The following FHIT variants were observed in gnomAD, a reference collection of about 807,000 sequenced individuals.
FHIT encodes fragile histidine triad diadenosine triphosphatase, also known as bis(5'-adenosyl)-triphosphatase.
FHIT carries 19 observed loss-of-function variants against 17.9 expected under a neutral mutation model. The ratio of observed to expected loss-of-function variants is 1.06; its 90% CI spans 0.74 to 1.56. The LOEUF is 1.56. FHIT is among the 40% of genes most tolerant of loss of function. The pLI is 0.00. For missense variants in FHIT, 248 were observed against 189.2 expected, an observed-to-expected ratio of 1.31 and a Z score of -1.82; for synonymous variants, 81 against 69.7, an observed-to-expected ratio of 1.16 and a Z score of -0.81.
At position 60,536,900 on chromosome 3, in the gene FHIT, C is replaced by A; in HGVS notation, c.63G>T (p.Leu21=). ...KPSVVFLKTE[L]SFALVNRKPV... ...GTTTCCTATTCACAAGAGCGAAGGA[C>A]AGTTCTGTTTTGAGAAACACTACAG... is the stretch of plus-strand genomic sequence containing the variant. The change falls in exon 5 of 10, where the codon CTG becomes CTT. Residue 21 remains leucine, a synonymous_variant. Coordinates refer to ENST00000492590, the MANE Select transcript of FHIT (RefSeq NM_002012.4). The A allele has an allele frequency of 1.2e-6, 2 of 1,612,604 alleles. No individual in the cohort carries two copies. Among genetic ancestry groups the A allele is most frequent in the Middle Eastern group, 1.7e-4 (1 of 6,054 alleles).
At chr3:61,247,123 G>A (rs1318067683) in intron 1 of FHIT, among the ~76,000 whole-genome samples, 1 of 151,808 alleles carries the variant, frequency 6.6e-6, no homozygotes, top group Non-Finnish European at 1.5e-5. Context: ...CAGAGCAGAT[G>A]CAGTGCCTGG....
At chr3:60,569,081 C>G (rs1008011981) in intron 4 of FHIT, among the ~76,000 whole-genome samples, 1 of 151,270 alleles carries the variant, frequency 6.6e-6, no homozygotes, top group Non-Finnish European at 1.5e-5. Flanking sequence ...CTGTCTGTGG[C>G]TGAAACCCAA....
At chr3:59,894,263 A>G (rs1703972885) in intron 8 of FHIT, among the ~76,000 whole-genome samples, 2 of 152,138 alleles carry the variant, frequency 1.3e-5, no homozygotes, top group Non-Finnish European at 2.9e-5. Flanking sequence ...AACAAACAAA[A>G]TGATCATAGA....
At chr3:61,224,331 G>T (rs976040873) in intron 1 of FHIT, among the ~76,000 whole-genome samples, 1 of 152,218 alleles carries the variant, frequency 6.6e-6, no homozygotes, top group African/African-American at 2.4e-5. Flanking sequence ...CAACTGAAAT[G>T]ACTACCTACA....
intron 3 of FHIT, among the ~76,000 whole-genome samples, chr3:61,026,456 C>A (rs114634197): frequency 0.025 from 3,775 of 152,286 alleles, 78 homozygotes; most frequent in Middle Eastern, 0.061. Context: ...TGGCGCCTGG[C>A]TCAAAGAGAA....
At chr3:60,456,802 A>G (rs1482044255) in intron 5 of FHIT, among the ~76,000 whole-genome samples, 1 of 152,272 alleles carries the variant, frequency 6.6e-6, no homozygotes, top group East Asian at 1.9e-4. Context: ...CATCAAGACT[A>G]TATGGATCAG....
intron 7 of FHIT, among the ~76,000 whole-genome samples, chr3:59,977,869 G>C (rs760648023): frequency 6.6e-5 from 10 of 152,156 alleles, no homozygotes; most frequent in Non-Finnish European, 1.2e-4. Flanking sequence ...AAAAGAAAGA[G>C]AGTGATATTT....
intron 3 of FHIT, among the ~76,000 whole-genome samples, chr3:60,926,317 C>T (rs1384510910): frequency 2.6e-5 from 4 of 152,284 alleles, no homozygotes; most frequent in Non-Finnish European, 5.9e-5. Context: ...TAAAGCACTC[C>T]TCAGCAAATG....
chr3:60,331,544 T>A (rs992042622), intron 5 of FHIT, among the ~76,000 whole-genome samples: 11 of 152,168 alleles, frequency 7.2e-5, no homozygotes, highest in Non-Finnish European at 1.6e-4. Flanking sequence ...ACTCCAATTC[T>A]TTAACATAGA....
chr3:60,168,644 T>G (rs1053146581), intron 5 of FHIT, among the ~76,000 whole-genome samples: 1 of 152,100 alleles, frequency 6.6e-6, no homozygotes, highest in African/African-American at 2.4e-5. Context: ...GAAGATAAAG[T>G]GAAAAAGGAA....
chr3:60,469,201 C>G (rs1228819692), intron 5 of FHIT, among the ~76,000 whole-genome samples: 1 of 152,034 alleles, frequency 6.6e-6, no homozygotes, highest in Admixed American at 6.5e-5. Context: ...TGATATCTTT[C>G]TCTAGGTTTT....
chr3:60,411,255 A>G (rs1250870778), intron 5 of FHIT, among the ~76,000 whole-genome samples: 1 of 152,168 alleles, frequency 6.6e-6, no homozygotes, highest in African/African-American at 2.4e-5. Flanking sequence ...TCTGTTCAAT[A>G]AGACATTTTG....
At chr3:60,338,722 C>G (rs1710366261) in intron 5 of FHIT, among the ~76,000 whole-genome samples, 1 of 152,282 alleles carries the variant, frequency 6.6e-6, no homozygotes, top group Middle Eastern at 3.4e-3. Flanking sequence ...CCAGTGAATA[C>G]AGAAGACCAT....
intron 5 of FHIT, among the ~76,000 whole-genome samples, chr3:60,179,403 T>C (rs541228939): frequency 1.3e-5 from 2 of 152,330 alleles, no homozygotes; most frequent in South Asian, 2.1e-4. Flanking sequence ...ATATCTGTCC[T>C]GTGTGACATC....
intron 5 of FHIT, among the ~76,000 whole-genome samples, chr3:60,036,798 C>G (rs1701236036): frequency 6.6e-6 from 1 of 152,098 alleles, no homozygotes; most frequent in Non-Finnish European, 1.5e-5. Context: ...TTTGCTCTTC[C>G]CCAAGATAGA....
chr3:60,672,874 C>CGTGTGTGTGTGT (rs71629109), intron 4 of FHIT, among the ~76,000 whole-genome samples: 9,170 of 139,386 alleles, frequency 0.066, 376 homozygotes, highest in Admixed American at 0.096. Context: ...CTCTTTGTAG[C>CGTGTGTGTGTGT]GTGTGTGTGT....
In FHIT at chr3:61,046,784, C is replaced by G. The variant is rs189956025; in HGVS notation, c.-163-4685G>C. 4.9e-3 allele frequency among the ~76,000 whole-genome samples: 748 copies of G among 152,268 alleles called. 7 individuals are homozygous for G. Among genetic ancestry groups the G allele is most frequent in the Non-Finnish European group, 5.0e-3 (342 of 68,022 alleles). On this transcript the variant is annotated intron_variant, in intron 2 of 9. Transcript: ENST00000492590. ...CTGAATCCAGCAGCACATCAAAAAG[C>G]TTATCCACCACGATCAAGTTGGCTT...
At chr3:61,012,146 G>C (rs2031827046) in intron 3 of FHIT, among the ~76,000 whole-genome samples, 1 of 152,150 alleles carries the variant, frequency 6.6e-6, no homozygotes, top group Admixed American at 6.5e-5. Context: ...ATTTGCAGAG[G>C]TATACTGAAA....
chr3:60,949,174 T>C (rs1331036211), intron 3 of FHIT, among the ~76,000 whole-genome samples: 3 of 152,150 alleles, frequency 2.0e-5, no homozygotes, highest in Admixed American at 2.0e-4. Context: ...GCTGACCCAC[T>C]ATTCTCAAGC....
Sources: allele counts gnomAD v4.1 joint callset (sites outside exome capture counted in the v4.1 genomes callset), GRCh38; gene constraint gnomAD v4.1.1; transcripts MANE v1.5; gene names NCBI Gene and HGNC (gene_info 2026-07-23, HGNC 2026-07-21).